The following NRXN3 variants were observed in gnomAD, a reference collection of about 807,000 sequenced individuals.
NRXN3 encodes neurexin III.
A neutral mutation model predicts 137.6 loss-of-function variants in NRXN3; 32 were observed. That is an observed-to-expected ratio of 0.23 (90% CI 0.18 to 0.31). NRXN3 has a LOEUF of 0.31. Ranked by LOEUF, NRXN3 falls within the 10% of genes least tolerant of loss-of-function variation. The probability of loss-of-function intolerance (pLI) is 1.00; values close to 1 mark genes in which losing one functional copy is unlikely to be tolerated. For synonymous variants in NRXN3, 798 were observed against 784.5 expected (o/e 1.02, Z -0.29); for missense variants, 1,574 against 2,062.5 (o/e 0.76, Z 4.59).
intron 15 of NRXN3, among the ~76,000 whole-genome samples, chr14:79,366,634 G>A (rs1422255082): frequency 6.6e-6 from 1 of 151,812 alleles, no homozygotes. Flanking sequence ...CTAATTTTGG[G>A]CATCTCTTCT....
intron 15 of NRXN3, among the ~76,000 whole-genome samples, chr14:79,365,601 C>A (rs1411580417): frequency 6.6e-6 from 1 of 150,732 alleles, no homozygotes; most frequent in Non-Finnish European, 1.5e-5. Context: ...CGCCTGTAGT[C>A]CCAGCTACTC....
chr14:79,740,712 T>TA lies in NRXN3; in HGVS notation c.4014+42775_4014+42776insA, dbSNP rs1491227336. 9.0e-3 allele frequency among the ~76,000 whole-genome samples: 142 copies of TA among 15,728 alleles called. 2 individuals are homozygous for TA. The highest frequency in any genetic ancestry group is 9.8e-3 in the African/African-American group (31 of 3,158). The allele number at this position is 15,728 out of a possible 152,430, so 10.3% of individuals were successfully genotyped here. Reference sequence around the variant, plus strand: ...TCCACTGGACTTTGCATTTAGTTTTTTATATATATATATATATATATATAT... The same window carrying TA: ...TCCACTGGACTTTGCATTTAGTTTTTATATATATATATATATATATATATAT... On this transcript the variant is annotated intron_variant, in intron 19 of 20. Transcript: ENST00000335750.
At chr14:78,175,641 C>T (rs893345707) in intron 1 of NRXN3, among the ~76,000 whole-genome samples, 3 of 152,042 alleles carry the variant, frequency 2.0e-5, no homozygotes, top group Non-Finnish European at 2.9e-5. Flanking sequence ...GAAGCAAGTG[C>T]GGTGCTGTGG....
intron 15 of NRXN3, among the ~76,000 whole-genome samples, chr14:79,019,030 C>T (rs1410137473): frequency 1.3e-5 from 2 of 152,116 alleles, no homozygotes; most frequent in Non-Finnish European, 2.9e-5. Flanking sequence ...AAGCTGGAAA[C>T]GTTTTTTTCT....
At chr14:79,455,770 A>T (rs1260231483) in intron 15 of NRXN3, among the ~76,000 whole-genome samples, 1 of 151,648 alleles carries the variant, frequency 6.6e-6, no homozygotes, top group African/African-American at 2.4e-5. Context: ...CTGTTTTTTT[A>T]GAGGTTTATA....
chr14:78,853,588 T>C (rs1281430580), intron 10 of NRXN3, among the ~76,000 whole-genome samples: 1 of 152,224 alleles, frequency 6.6e-6, no homozygotes, highest in Non-Finnish European at 1.5e-5. Flanking sequence ...TTGTTAATTT[T>C]ATAAATTTTG....
intron 15 of NRXN3, chr14:79,280,501 T>C: frequency 5.0e-6 from 8 of 1,613,616 alleles, no homozygotes; most frequent in Non-Finnish European, 6.8e-6. Flanking sequence ...TGCCTATTTC[T>C]ATCTATCGTT....
At chr14:79,718,115 C>T (rs1032452297) in intron 19 of NRXN3, among the ~76,000 whole-genome samples, 6 of 152,178 alleles carry the variant, frequency 3.9e-5, no homozygotes, top group African/African-American at 1.2e-4. Context: ...TGCGCAATGT[C>T]ACACAGAATG....
At chr14:79,734,701 C>G (rs2098936026) in intron 19 of NRXN3, among the ~76,000 whole-genome samples, 1 of 152,048 alleles carries the variant, frequency 6.6e-6, no homozygotes, top group South Asian at 2.1e-4. Context: ...GATTCTCACA[C>G]TCAATTAAAA....
intron 15 of NRXN3, among the ~76,000 whole-genome samples, chr14:79,423,450 A>G (rs1187663811): frequency 6.6e-6 from 1 of 152,218 alleles, no homozygotes; most frequent in African/African-American, 2.4e-5. Flanking sequence ...TACCTTAGTG[A>G]TACTGCATTC....
At chr14:78,322,114 T>C (rs1241551124) in intron 4 of NRXN3, among the ~76,000 whole-genome samples, 1 of 151,958 alleles carries the variant, frequency 6.6e-6, no homozygotes, top group Non-Finnish European at 1.5e-5. Flanking sequence ...TAAATTTTAC[T>C]CTAATCCAAG....
At chr14:79,728,195 A>G (rs2098903638) in intron 19 of NRXN3, among the ~76,000 whole-genome samples, 1 of 152,180 alleles carries the variant, frequency 6.6e-6, no homozygotes, top group African/African-American at 2.4e-5. Context: ...TACCTGGAAC[A>G]GTCTGATTTT....
At chr14:78,479,607 G>C (rs1379482978) in intron 4 of NRXN3, among the ~76,000 whole-genome samples, 1 of 152,174 alleles carries the variant, frequency 6.6e-6, no homozygotes, top group Non-Finnish European at 1.5e-5. Flanking sequence ...CACTGAATTA[G>C]AATGTCCAGG....
intron 4 of NRXN3, among the ~76,000 whole-genome samples, chr14:78,583,207 C>A (rs2097022046): frequency 6.6e-6 from 1 of 152,034 alleles, no homozygotes; most frequent in African/African-American, 2.4e-5. Context: ...TTGGAAAAAT[C>A]ACAAACCAAA....
chr14:78,260,026 G>C (rs139929423), intron 2 of NRXN3, among the ~76,000 whole-genome samples: 14 of 152,116 alleles, frequency 9.2e-5, no homozygotes, highest in Non-Finnish European at 1.9e-4. Context: ...AAATTCTCTC[G>C]CTGAAACTCG....
At chr14:79,794,223 G>A (rs2099154171) in intron 19 of NRXN3, among the ~76,000 whole-genome samples, 1 of 152,070 alleles carries the variant, frequency 6.6e-6, no homozygotes, top group Admixed American at 6.5e-5. Flanking sequence ...AATTAGCAGG[G>A]CGTGGTGGCA....
intron 15 of NRXN3, among the ~76,000 whole-genome samples, chr14:79,233,221 T>A (rs1323946948): frequency 6.6e-6 from 1 of 152,190 alleles, no homozygotes; most frequent in African/African-American, 2.4e-5. Flanking sequence ...GAGATTTAGT[T>A]TCTAACACTG....
chr14:78,821,713 A>C (rs2098951356), intron 10 of NRXN3, among the ~76,000 whole-genome samples: 1 of 152,140 alleles, frequency 6.6e-6, no homozygotes, highest in South Asian at 2.1e-4. Flanking sequence ...AAAATGATGC[A>C]GCCACTGGGC....
chr14:79,161,711 C>T (rs1016176866), intron 15 of NRXN3, among the ~76,000 whole-genome samples: 3 of 151,914 alleles, frequency 2.0e-5, no homozygotes, highest in East Asian at 1.9e-4. Flanking sequence ...ATGCACTCCA[C>T]GTGTGACTAA....
Sources: allele counts gnomAD v4.1 joint callset (sites outside exome capture counted in the v4.1 genomes callset), GRCh38; gene constraint gnomAD v4.1.1; transcripts MANE v1.5; gene names NCBI Gene and HGNC (gene_info 2026-07-23, HGNC 2026-07-21).